Variants in ERC1 observed in about 807,000 individuals in gnomAD.
ERC1 encodes the protein RAB6 interacting protein 2.
In ERC1, 56 loss-of-function variants were observed where a neutral mutation model predicts 132.0. The ratio of observed to expected loss-of-function variants is 0.42; its 90% CI spans 0.34 to 0.53. ERC1 has a LOEUF of 0.53. Ranked by LOEUF, ERC1 falls within the 20% of genes least tolerant of loss-of-function variation. ERC1 has a pLI of 0.03. For synonymous variants in ERC1, 478 were observed against 476.1 expected (o/e 1.00, Z -0.05); for missense variants, 1,202 against 1,349.9 (o/e 0.89, Z 1.72).
At position 1,027,920 on chromosome 12, in the gene ERC1, G is replaced by A. The variant is rs140435811; in HGVS notation, c.17G>A (p.Arg6His). The change falls in exon 2 of 19, where the codon CGC becomes CAC. Residue 6 changes from arginine to histidine, a missense_variant. Transcript: ENST00000360905. MYGSA[R>H]SVGKVEPSSQ... is the part of the protein sequence containing the mutation. Reference sequence around the variant, plus strand: ...CTTGCAACCATGTATGGAAGTGCCCGCTCTGTTGGGAAGGTGGAGCCGAGC... The same window carrying A: ...CTTGCAACCATGTATGGAAGTGCCCACTCTGTTGGGAAGGTGGAGCCGAGC... 1.8e-5 allele frequency: 29 copies of A among 1,608,036 alleles called. No homozygotes were observed. The highest frequency in any genetic ancestry group is 2.2e-5 in the Non-Finnish European group (26 of 1,175,826).
chr12:1,342,340 G>T (rs569254938), intron 15 of ERC1, among the ~76,000 whole-genome samples: 1 of 151,884 alleles, frequency 6.6e-6, no homozygotes, highest in Admixed American at 6.5e-5. Context: ...GGTGGCACAC[G>T]CCTGTAATCC....
intron 13 of ERC1, among the ~76,000 whole-genome samples, chr12:1,255,917 G>C (rs910952968): frequency 2.6e-4 from 40 of 151,958 alleles, no homozygotes; most frequent in African/African-American, 8.0e-4. Flanking sequence ...GGGATTACAG[G>C]CGTGAGTTTA....
At chr12:1,337,441 A>G (rs1022067084) in intron 15 of ERC1, among the ~76,000 whole-genome samples, 1 of 151,834 alleles carries the variant, frequency 6.6e-6, no homozygotes, top group African/African-American at 2.4e-5. Flanking sequence ...GTCATTGCAT[A>G]CGAAATGGGC....
At chr12:1,125,025 T>G (rs748414728) in intron 7 of ERC1, among the ~76,000 whole-genome samples, 22 of 151,954 alleles carry the variant, frequency 1.4e-4, no homozygotes, top group Non-Finnish European at 2.9e-4. Flanking sequence ...GACAGATTCT[T>G]GCTCTTTCGC....
rs7310647 is a variant in ERC1 at position 1,031,033 on chromosome 12, G to A, written c.669+2461G>A. ...GACTGTAAATCTAATTTAAGATTTC[G>A]GTTGATTGTCTTACCATTCTTACTA... On this transcript the variant is annotated intron_variant, in intron 2 of 18. Transcript: ENST00000360905. Among the ~76,000 whole-genome samples the A allele has an allele frequency of 7.3e-3, 1,115 of 152,144 alleles. 13 individuals are homozygous for A. Among genetic ancestry groups the A allele is most frequent in the African/African-American group, 0.026 (1,062 of 41,490 alleles).
rs1271746721 is a variant in ERC1 at position 1,076,425 on chromosome 12, C to T, written c.670-6739C>T. On this transcript the variant is annotated intron_variant, in intron 2 of 18. Transcript: ENST00000360905. ...TTTTTTTTTTTTGGAGATGGAGTCT[C>T]ACTCTGTCGCCCAGGCTGGAGTGCA... 2.2e-5 allele frequency among the ~76,000 whole-genome samples: 3 copies of T among 138,802 alleles called. No individual in the cohort carries two copies. The East Asian group carries it at 6.2e-4, about 29-fold the overall frequency. The allele number at this position is 138,802 out of a possible 152,430, so 91.1% of individuals were successfully genotyped here. A position where few individuals can be genotyped will look rare whatever the true frequency, so the allele number is the denominator to read the frequency against.
At chr12:1,218,800 C>T (rs1243035899) in intron 12 of ERC1, among the ~76,000 whole-genome samples, 6 of 151,238 alleles carry the variant, frequency 4.0e-5, no homozygotes, top group Non-Finnish European at 8.8e-5. Context: ...CTAAAAGGCT[C>T]CACTCTCAGT....
intron 15 of ERC1, among the ~76,000 whole-genome samples, chr12:1,366,829 T>C (rs2086705884): frequency 6.6e-6 from 1 of 152,176 alleles, no homozygotes; most frequent in African/African-American, 2.4e-5. Flanking sequence ...AAAAGGGTAA[T>C]TTGTTATGTT....
At chr12:1,349,800 G>A (rs1381514151) in intron 15 of ERC1, among the ~76,000 whole-genome samples, 1 of 152,124 alleles carries the variant, frequency 6.6e-6, no homozygotes, top group Non-Finnish European at 1.5e-5. Flanking sequence ...ACTTTTAGGA[G>A]TTCATCAAAC....
chr12:1,278,919 T>TG (rs1019686591), intron 14 of ERC1, among the ~76,000 whole-genome samples: 17 of 152,070 alleles, frequency 1.1e-4, no homozygotes, highest in Admixed American at 4.6e-4. Flanking sequence ...TTAGTATACT[T>TG]GAAAAAGAAA....
intron 16 of ERC1, among the ~76,000 whole-genome samples, chr12:1,400,921 T>A (rs1157828341): frequency 0.02 from 1,190 of 58,536 alleles, 59 homozygotes; most frequent in African/African-American, 0.11. Flanking sequence ...TTTGTATTTT[T>A]TTTTTTTTTT....
chr12:1,254,017 T>A (rs1008783625), intron 13 of ERC1, among the ~76,000 whole-genome samples: 1 of 152,188 alleles, frequency 6.6e-6, no homozygotes, highest in Non-Finnish European at 1.5e-5. Flanking sequence ...AGTGAAGTAT[T>A]CGTATTTGAT....
At chr12:1,009,705 AGTT>A (rs1343461832) in intron 1 of ERC1, among the ~76,000 whole-genome samples, 1 of 152,210 alleles carries the variant, frequency 6.6e-6, no homozygotes, top group Non-Finnish European at 1.5e-5. Context: ...AACATAATTT[AGTT>A]ATACATGTTA....
chr12:1,400,202 G>A (rs1035861941), intron 16 of ERC1, among the ~76,000 whole-genome samples: 1 of 152,116 alleles, frequency 6.6e-6, no homozygotes, highest in African/African-American at 2.4e-5. Flanking sequence ...ATCTTTTCTT[G>A]TGCTTACTGC....
chr12:1,344,542 C>T (rs1472180188), intron 15 of ERC1, among the ~76,000 whole-genome samples: 1 of 152,170 alleles, frequency 6.6e-6, no homozygotes, highest in Non-Finnish European at 1.5e-5. Flanking sequence ...CTCAGCCACA[C>T]AAATCTTGGG....
chr12:1,129,217 G>A (rs1462085645), intron 7 of ERC1, among the ~76,000 whole-genome samples: 5 of 152,042 alleles, frequency 3.3e-5, no homozygotes, highest in Non-Finnish European at 7.3e-5. Flanking sequence ...GATGGCTCAC[G>A]CCTGTAATCC....
intron 15 of ERC1, among the ~76,000 whole-genome samples, chr12:1,299,225 G>A (rs973596529): frequency 1.4e-4 from 21 of 152,120 alleles, no homozygotes; most frequent in African/African-American, 4.8e-4. Flanking sequence ...GAAAATATAT[G>A]TTTTTTAAGT....
chr12:1,196,543 G>T (rs372300671), intron 12 of ERC1, among the ~76,000 whole-genome samples: 6 of 150,646 alleles, frequency 4.0e-5, no homozygotes, highest in African/African-American at 1.5e-4. Context: ...GCTCAGGCTG[G>T]AGTGTAGTGG....
intron 2 of ERC1, among the ~76,000 whole-genome samples, chr12:1,030,517 A>G (rs1478262448): frequency 2.0e-5 from 3 of 152,168 alleles, no homozygotes; most frequent in Non-Finnish European, 2.9e-5. Flanking sequence ...TAAGGCCAGG[A>G]GTTTGAGACT....
Sources: gnomAD v4.1 joint callset for allele counts (sites outside exome capture counted in the v4.1 genomes callset) on GRCh38, gnomAD v4.1.1 for gene constraint, MANE v1.5 for transcripts, NCBI Gene and HGNC (gene_info 2026-07-23, HGNC 2026-07-21) for gene names.